CCAT2: variants seen among roughly 807,000 people sequenced by gnomAD.
CCAT2 encodes colon cancer associated transcript 2.
At chr8:127,400,721 C>T (rs993883104) in exon 1 of CCAT2, 1 of 152,218 alleles carries the variant, frequency 6.6e-6, no homozygotes, top group African/African-American at 2.4e-5. Context: ...TTCCCAGCCT[C>T]GTTCTCTGCA....
exon 1 of CCAT2, chr8:127,401,360 G>A (rs1334328711): frequency 6.6e-6 from 1 of 152,128 alleles, no homozygotes; most frequent in East Asian, 1.9e-4. Context: ...AATATGTTTG[G>A]GCCTGTAGGA....
At chr8:127,401,945 G>T (rs906382519) in exon 1 of CCAT2, 1 of 152,218 alleles carries the variant, frequency 6.6e-6, no homozygotes, top group African/African-American at 2.4e-5. Context: ...AATTAAATTT[G>T]TTGGGGTTTG....
At chr8:127,400,905 C>G (rs1814930813) in exon 1 of CCAT2, 1 of 152,272 alleles carries the variant, frequency 6.6e-6, no homozygotes, top group Non-Finnish European at 1.5e-5. Context: ...AGCTCCACCT[C>G]TGACCAATTG....
exon 1 of CCAT2, chr8:127,400,901 A>G (rs544166039): frequency 6.6e-6 from 1 of 152,268 alleles, no homozygotes. Context: ...TTCCAGCTCC[A>G]CCTCTGACCA....
exon 1 of CCAT2, chr8:127,401,464 C>T (rs758745832): frequency 2.6e-5 from 4 of 152,254 alleles, no homozygotes; most frequent in Non-Finnish European, 4.4e-5. Flanking sequence ...TCTCCTGATT[C>T]CTGACCTACC....
Sources: allele counts gnomAD v4.1 joint callset, GRCh38; gene constraint gnomAD v4.1.1; transcripts MANE v1.5; gene names NCBI Gene and HGNC (gene_info 2026-07-23, HGNC 2026-07-21).